Variants in AUTS2 observed in about 807,000 individuals in gnomAD.
AUTS2 encodes the protein activator of transcription and developmental regulator AUTS2, also known as autism susceptibility gene 2 protein.
AUTS2 carries 17 observed loss-of-function variants against 112.4 expected under a neutral mutation model. That is an observed-to-expected ratio of 0.15 (90% CI 0.10 to 0.23). AUTS2 has a LOEUF of 0.23. Among genes scored for constraint, AUTS2 ranks in the 10% least tolerant of loss-of-function variants. The pLI is 1.00. For synonymous variants in AUTS2, 751 were observed against 702.7 expected (o/e 1.07, Z -1.09); for missense variants, 1,510 against 1,701.6 (o/e 0.89, Z 1.98).
chr7:69,801,638 C>G (rs1393445260), intron 1 of AUTS2, among the ~76,000 whole-genome samples: 1 of 152,000 alleles, frequency 6.6e-6, no homozygotes, highest in Non-Finnish European at 1.5e-5. Flanking sequence ...AACAAAACTT[C>G]CCACAGGTGT....
At chr7:70,525,781 G>T (rs986878907) in intron 5 of AUTS2, among the ~76,000 whole-genome samples, 1 of 152,242 alleles carries the variant, frequency 6.6e-6, no homozygotes, top group East Asian at 1.9e-4. Flanking sequence ...TCGCATGGAA[G>T]CCCACAGAAG....
intron 5 of AUTS2, among the ~76,000 whole-genome samples, chr7:70,482,760 A>G (rs1042604196): frequency 2.6e-5 from 4 of 152,136 alleles, no homozygotes; most frequent in African/African-American, 9.7e-5. Flanking sequence ...TTTCAATAAG[A>G]GTGAGGAGCA....
Position 70,631,204 on chromosome 7 carries a change from C to T in AUTS2, c.691-67365C>T, listed in dbSNP as rs1227769041. Among the ~76,000 whole-genome samples the T allele has an allele frequency of 1.3e-5, 2 of 152,118 alleles. No homozygotes were observed. Among genetic ancestry groups the T allele is most frequent in the East Asian group, 1.9e-4 (1 of 5,182 alleles). On this transcript the variant is annotated intron_variant, in intron 5 of 18. Coordinates refer to ENST00000342771, the MANE Select transcript of AUTS2 (RefSeq NM_015570.4). The surrounding 1 kb of genome is among the most constrained non-coding windows in gnomAD (Gnocchi z 4.5). ...CGATTAAAATGTCAGCACAGGATGA[C>T]GAAGGGGCCAAGAGGGTCCTCAGAG... is the stretch of plus-strand genomic sequence containing the variant.
intron 2 of AUTS2, among the ~76,000 whole-genome samples, chr7:70,056,178 G>C (rs1192207690): frequency 6.6e-6 from 1 of 151,758 alleles, no homozygotes; most frequent in Non-Finnish European, 1.5e-5. Context: ...AGTAGAGACG[G>C]GGTTTCATGT....
At chr7:69,951,246 G>A (rs1312319551) in intron 2 of AUTS2, among the ~76,000 whole-genome samples, 1 of 151,944 alleles carries the variant, frequency 6.6e-6, no homozygotes, top group Non-Finnish European at 1.5e-5. Flanking sequence ...TATGAGGTAT[G>A]GTGATCTCAA....
intron 1 of AUTS2, among the ~76,000 whole-genome samples, chr7:69,872,887 G>A (rs1043040630): frequency 4.3e-5 from 5 of 117,308 alleles, no homozygotes; most frequent in Non-Finnish European, 6.5e-5. Context: ...TTGTCACCCT[G>A]GCTGGAGTGC....
intron 2 of AUTS2, among the ~76,000 whole-genome samples, chr7:70,002,294 A>G (rs925053348): frequency 6.6e-6 from 1 of 152,132 alleles, no homozygotes; most frequent in Admixed American, 6.5e-5. Flanking sequence ...AAGTAGAAAA[A>G]TATAGGCGGG....
At chr7:70,565,007 A>C (rs2129524187) in intron 5 of AUTS2, among the ~76,000 whole-genome samples, 1 of 152,274 alleles carries the variant, frequency 6.6e-6, no homozygotes, top group African/African-American at 2.4e-5. Flanking sequence ...CTGAGGCAGA[A>C]GAATCGCTTG....
rs1203826984 is a variant in AUTS2, at chr7:70,784,945, C to A, written c.2150C>A (p.Ala717Asp). The A allele has an allele frequency of 6.2e-7, 1 of 1,613,940 alleles. No individual in the cohort carries two copies. Among genetic ancestry groups the A allele is most frequent in the Non-Finnish European group, 8.5e-7 (1 of 1,179,984 alleles). ...TTCGTTATGTTTGACTTAACAGGTG[C>A]TGCACACCCAACTGGGACCCCTTTT... ...RPSTLFSAAG[A>D]AHPTGTPFGP... Residue 717 changes from alanine (A) to aspartate (D), a missense_variant, in exon 16 of 19, where the codon GCT becomes GAT. This residue lies in a region of AUTS2 where 788 missense variants were observed against 797.6 expected (regional missense o/e 0.99). Coordinates refer to ENST00000342771, the MANE Select transcript of AUTS2 (RefSeq NM_015570.4).
chr7:70,377,342 A>G (rs1266955253), intron 4 of AUTS2, among the ~76,000 whole-genome samples: 6 of 78,886 alleles, frequency 7.6e-5, no homozygotes, highest in African/African-American at 2.6e-4. Context: ...ATATATATAT[A>G]TATATATATA....
chr7:70,374,537 T>C (rs1435883270), intron 4 of AUTS2, among the ~76,000 whole-genome samples: 1 of 152,190 alleles, frequency 6.6e-6, no homozygotes, highest in Non-Finnish European at 1.5e-5. Flanking sequence ...TAAGTAACAT[T>C]TAGTTTGATA....
chr7:69,917,874 G>A (rs537819957), intron 2 of AUTS2, among the ~76,000 whole-genome samples: 15 of 151,190 alleles, frequency 9.9e-5, no homozygotes, highest in Non-Finnish European at 1.3e-4. Context: ...ACGGAGTCTC[G>A]CTCTGTCGCC....
chr7:70,721,424 G>A (rs752023274), intron 6 of AUTS2, among the ~76,000 whole-genome samples: 11 of 151,924 alleles, frequency 7.2e-5, no homozygotes, highest in African/African-American at 2.4e-4. Context: ...TCAGCCTCCC[G>A]AGTAGCTGGG....
intron 3 of AUTS2, among the ~76,000 whole-genome samples, chr7:70,123,695 G>C (rs1235581059): frequency 2.0e-5 from 3 of 152,076 alleles, no homozygotes; most frequent in Non-Finnish European, 4.4e-5. Flanking sequence ...GATTTTTATG[G>C]CAATGTAGTA....
At chr7:69,932,615 C>A (rs1796266982) in intron 2 of AUTS2, among the ~76,000 whole-genome samples, 1 of 152,190 alleles carries the variant, frequency 6.6e-6, no homozygotes. Flanking sequence ...CACCTTAGAA[C>A]CTTAACACAC....
Position 70,053,685 on chromosome 7 carries a change from A to T in AUTS2, c.523-64447A>T, listed in dbSNP as rs533510499. 9.2e-5 allele frequency among the ~76,000 whole-genome samples: 14 copies of T among 152,140 alleles called. No homozygotes were observed. In the East Asian group the frequency reaches 2.7e-3, roughly 30 times the overall value. Reference sequence around the variant, plus strand: ...CTCTTGAACAACTTGGACTACAGGCATGCACCACCACAGTCAGCTAGTTTA... The same window carrying T: ...CTCTTGAACAACTTGGACTACAGGCTTGCACCACCACAGTCAGCTAGTTTA... On this transcript the variant is annotated intron_variant, in intron 2 of 18. Transcript: ENST00000342771.
At chr7:70,715,537 C>A (rs1310955409) in intron 6 of AUTS2, among the ~76,000 whole-genome samples, 1 of 148,134 alleles carries the variant, frequency 6.8e-6, no homozygotes, top group African/African-American at 2.5e-5. Flanking sequence ...CTTTTCTTTT[C>A]TTTTCTTTTT....
chr7:70,062,924 C>T (rs905182441), intron 2 of AUTS2, among the ~76,000 whole-genome samples: 2 of 152,180 alleles, frequency 1.3e-5, no homozygotes, highest in Non-Finnish European at 2.9e-5. Flanking sequence ...GGGCAGGAGA[C>T]CATCTTAGTT....
intron 1 of AUTS2, among the ~76,000 whole-genome samples, chr7:69,774,139 G>A (rs192450298): frequency 9.6e-4 from 147 of 152,344 alleles, no homozygotes; most frequent in Non-Finnish European, 1.7e-3. Flanking sequence ...AGGGCTGGGA[G>A]CAGTGGCTCA....
Sources: gnomAD v4.1 joint callset for allele counts (sites outside exome capture counted in the v4.1 genomes callset) on GRCh38, gnomAD v4.1.1 for gene constraint, gnomAD v4.1.1 regional missense constraint, Gnocchi (gnomAD v3.1) non-coding constraint, MANE v1.5 for transcripts, NCBI Gene and HGNC (gene_info 2026-07-23, HGNC 2026-07-21) for gene names.